The following ZNF609 variants were observed in gnomAD, a reference collection of about 807,000 sequenced individuals.
ZNF609 encodes the protein zinc finger protein 609.
A neutral mutation model predicts 109.5 loss-of-function variants in ZNF609; 11 were observed. The ratio of observed to expected loss-of-function variants is 0.10; its 90% CI spans 0.06 to 0.17. ZNF609 has a LOEUF of 0.17. ZNF609 is among the 10% of genes least tolerant of loss of function. The pLI, the probability that ZNF609 is intolerant of heterozygous loss-of-function variation, is 1.00. For missense variants in ZNF609, 1,559 were observed against 1,772.4 expected (o/e 0.88, Z 2.16); for synonymous variants, 646 against 662.0 (o/e 0.98, Z 0.37).
chr15:64,553,091 T>C (rs138154648), intron 2 of ZNF609, among the ~76,000 whole-genome samples: 119 of 152,362 alleles, frequency 7.8e-4, no homozygotes, highest in Non-Finnish European at 1.1e-3. Flanking sequence ...TGTGGTTCTA[T>C]TTCTGGACTC....
chr15:64,537,618 C>T (rs1319844994), intron 2 of ZNF609, among the ~76,000 whole-genome samples: 1 of 151,618 alleles, frequency 6.6e-6, no homozygotes, highest in African/African-American at 2.4e-5. Context: ...TTATCTAACA[C>T]AGACAAGTGA....
intron 1 of ZNF609, among the ~76,000 whole-genome samples, chr15:64,497,857 C>T (rs952506849): frequency 5.3e-5 from 8 of 150,862 alleles, no homozygotes; most frequent in Admixed American, 1.3e-4. Context: ...GCCGAGATCA[C>T]GCCACTGCAC....
In ZNF609 at chr15:64,601,734, C is replaced by T. The variant is rs147676819; in HGVS notation, c.748-21093C>T. On this transcript the variant is annotated intron_variant, in intron 2 of 9. Transcript: ENST00000326648. ...TACCAGAAGACTACAGATAGGCAAA[C>T]GTTCAAATTTTCAAAATTGCAGACC... Among the ~76,000 whole-genome samples, 16 of 152,266 alleles carry T rather than the reference C, an allele frequency of 1.1e-4. No individual in the cohort carries two copies. In the East Asian group the frequency reaches 1.7e-3, roughly 17 times the overall value.
intron 2 of ZNF609, among the ~76,000 whole-genome samples, chr15:64,618,070 C>T (rs1248344070): frequency 6.6e-6 from 1 of 152,056 alleles, no homozygotes; most frequent in African/African-American, 2.4e-5. Flanking sequence ...TCCTGACAAT[C>T]CCTGCTCTTA....
chr15:64,602,972 C>T (rs1260943252), intron 2 of ZNF609, among the ~76,000 whole-genome samples: 2 of 144,282 alleles, frequency 1.4e-5, no homozygotes, highest in Non-Finnish European at 3.0e-5. Context: ...GTCTCGATCT[C>T]CTGACCTTGT....
chr15:64,611,612 C>T (rs956364424), intron 2 of ZNF609, among the ~76,000 whole-genome samples: 1 of 152,080 alleles, frequency 6.6e-6, no homozygotes, highest in Non-Finnish European at 1.5e-5. Flanking sequence ...GGGATCACTG[C>T]AGGAGAACAG....
intron 2 of ZNF609, among the ~76,000 whole-genome samples, chr15:64,544,673 G>A (rs1894327041): frequency 6.6e-6 from 1 of 152,206 alleles, no homozygotes; most frequent in African/African-American, 2.4e-5. Flanking sequence ...AAAGCCAGCA[G>A]TGACTGTCAG....
At position 64,552,947 on chromosome 15, in the gene ZNF609, C is replaced by T. The variant is rs181227729; in HGVS notation, c.747+52781C>T. Reference sequence around the variant, plus strand: ...ACAGGGCATAAGGCATTGCACTCAGCCAAAATGAGTTTTTAAAATTTTTGG... The same window carrying T: ...ACAGGGCATAAGGCATTGCACTCAGTCAAAATGAGTTTTTAAAATTTTTGG... On this transcript the variant is annotated intron_variant, in intron 2 of 9. Coordinates refer to ENST00000326648, the MANE Select transcript of ZNF609 (RefSeq NM_015042.2). Among the ~76,000 whole-genome samples, 3 of 152,294 alleles carry T rather than the reference C, an allele frequency of 2.0e-5. No homozygotes were observed. The East Asian group carries it at 5.8e-4, about 29-fold the overall frequency.
At chr15:64,642,018 G>GA (rs762116124) in intron 3 of ZNF609, among the ~76,000 whole-genome samples, 1 of 152,094 alleles carries the variant, frequency 6.6e-6, no homozygotes, top group Non-Finnish European at 1.5e-5. Context: ...GGTTTGCCAG[G>GA]ATAAGTAGGA....
chr15:64,553,469 A>C (rs906775707), intron 2 of ZNF609, among the ~76,000 whole-genome samples: 1 of 151,782 alleles, frequency 6.6e-6, no homozygotes, highest in African/African-American at 2.4e-5. Flanking sequence ...TAAGTATTTC[A>C]TACTTTACTA....
intron 1 of ZNF609, among the ~76,000 whole-genome samples, chr15:64,478,675 C>T (rs934720848): frequency 6.6e-6 from 1 of 152,052 alleles, no homozygotes; most frequent in African/African-American, 2.4e-5. Flanking sequence ...CACCACATGG[C>T]CAGAATAAAT....
At chr15:64,515,056 A>G (rs562062680) in intron 2 of ZNF609, among the ~76,000 whole-genome samples, 4 of 152,260 alleles carry the variant, frequency 2.6e-5, no homozygotes, top group African/African-American at 9.6e-5. Context: ...TTAGTTATGC[A>G]GATTTAGGAA....
In ZNF609 at chr15:64,499,570, A is replaced by G; in HGVS notation, c.151A>G (p.Met51Val). The G allele has an allele frequency of 1.2e-6, 2 of 1,614,180 alleles. No individual in the cohort carries two copies. The highest frequency in any genetic ancestry group is 2.2e-5 in the South Asian group (2 of 91,084). ...DLEKDQQKLE[M>V]SGSKEVGIPA... is the part of the protein sequence containing the mutation. ...GGAAAAGGACCAGCAGAAACTGGAA[A>G]TGTCAGGCTCAAAGGAGGTGGGGAT... is the stretch of plus-strand genomic sequence containing the variant. The change falls in exon 2 of 10, where the codon ATG becomes GTG. Residue 51 changes from methionine (M) to valine (V), a missense_variant. Physicochemically the swap from Met to Val is conservative, Grantham distance 21 (BLOSUM62 1). Transcript: ENST00000326648.
At chr15:64,485,445 T>C (rs1001986182) in intron 1 of ZNF609, among the ~76,000 whole-genome samples, 14 of 152,222 alleles carry the variant, frequency 9.2e-5, no homozygotes, top group African/African-American at 3.4e-4. Flanking sequence ...ATAAAGTGTT[T>C]GCATGTTTTT....
intron 1 of ZNF609, among the ~76,000 whole-genome samples, chr15:64,498,558 A>G (rs1313700033): frequency 1.3e-5 from 2 of 152,142 alleles, no homozygotes; most frequent in African/African-American, 2.4e-5. Flanking sequence ...GTGTCGTCCT[A>G]TTTTAGTGGG....
intron 3 of ZNF609, among the ~76,000 whole-genome samples, chr15:64,645,176 C>T (rs1211504058): frequency 6.7e-6 from 1 of 150,170 alleles, no homozygotes; most frequent in Non-Finnish European, 1.5e-5. Flanking sequence ...CAGCCACCTC[C>T]ATCTCCTGAG....
intron 2 of ZNF609, chr15:64,593,120 G>A (rs1189032832): frequency 8.2e-6 from 13 of 1,590,646 alleles, no homozygotes; most frequent in Admixed American, 3.3e-5. Flanking sequence ...AGTGGAGTCC[G>A]CAGCAGTCAG....
rs537134784 is a variant in ZNF609 at position 64,536,960 on chromosome 15, C to T, written c.747+36794C>T. On this transcript the variant is annotated intron_variant, in intron 2 of 9. Coordinates refer to ENST00000326648, the MANE Select transcript of ZNF609 (RefSeq NM_015042.2). ...AAAAAAGGCCGGGCACGGTGGCTCA[C>T]ACCTGTAATCCCAGCACTTTGGGAG... is the stretch of plus-strand genomic sequence containing the variant. Among the ~76,000 whole-genome samples, 405 of 139,370 alleles carry T rather than the reference C, an allele frequency of 2.9e-3. 2 individuals carry two copies. The highest frequency in any genetic ancestry group is 0.01 in the African/African-American group (380 of 37,028). 91.4% of individuals were successfully genotyped at this position (139,370 alleles called of 152,430 possible). A position where few individuals can be genotyped will look rare whatever the true frequency, so the allele number is the denominator to read the frequency against.
At chr15:64,535,303 A>C (rs1337867113) in intron 2 of ZNF609, among the ~76,000 whole-genome samples, 1 of 152,036 alleles carries the variant, frequency 6.6e-6, no homozygotes, top group African/African-American at 2.4e-5. Flanking sequence ...TCCTGCCTCT[A>C]CCTCTCATAG....
Sources: gnomAD v4.1 joint callset for allele counts (sites outside exome capture counted in the v4.1 genomes callset) on GRCh38, gnomAD v4.1.1 for gene constraint, MANE v1.5 for transcripts, NCBI Gene and HGNC (gene_info 2026-07-23, HGNC 2026-07-21) for gene names.